The following SLC8A1 variants were observed in gnomAD, a reference collection of about 807,000 sequenced individuals.
SLC8A1 encodes sodium/calcium exchanger 1.
In SLC8A1, 18 loss-of-function variants were observed where a neutral mutation model predicts 68.3. The ratio of observed to expected loss-of-function variants is 0.26; its 90% CI spans 0.18 to 0.39. The LOEUF (loss-of-function observed/expected upper bound fraction) is 0.39. Ranked by LOEUF, SLC8A1 falls within the 10% of genes least tolerant of loss-of-function variation. SLC8A1 has a pLI of 1.00. For synonymous variants in SLC8A1, 475 were observed against 415.5 expected (o/e 1.14, Z -1.74); for missense variants, 985 against 1,156.7 (o/e 0.85, Z 2.15).
chr2:40,122,605 T>C (rs572780355), intron 7 of SLC8A1, among the ~76,000 whole-genome samples: 102 of 152,124 alleles, frequency 6.7e-4, no homozygotes, highest in Non-Finnish European at 1.1e-3. Context: ...CCACCTTGAG[T>C]TTCTGCTTAA....
chr2:40,424,129 T>C (rs1228284390), intron 2 of SLC8A1, among the ~76,000 whole-genome samples: 1 of 151,976 alleles, frequency 6.6e-6, no homozygotes, highest in East Asian at 1.9e-4. Flanking sequence ...TTAAATTGTG[T>C]GCAGAAATTA....
intron 2 of SLC8A1, among the ~76,000 whole-genome samples, chr2:40,306,350 G>C (rs1027967569): frequency 1.2e-4 from 19 of 152,042 alleles, no homozygotes; most frequent in Non-Finnish European, 1.5e-5. Flanking sequence ...TTAATATAGA[G>C]GCAGGAATTG....
chr2:40,271,228 GTCCCCTCCCACTCCTCTCCCACC>G lies in SLC8A1; in HGVS notation c.1809-93396_1809-93374del, dbSNP rs1264561979. 4.7e-5 allele frequency among the ~76,000 whole-genome samples: 7 copies of G among 150,012 alleles called. No individual in the cohort carries two copies. In the East Asian group the frequency reaches 7.9e-4, roughly 17 times the overall value. The stretch of plus-strand genomic sequence containing the variant: ...ATCTGGCTCACTACTCCTCTCTCAC[GTCCCCTCCCACTCCTCTCCCACC>G]TCCCCTCCCACTCCTCTCCCAGGTG... On this transcript the variant is annotated intron_variant, in intron 2 of 7. Transcript: ENST00000406785.
chr2:40,364,020 T>G (rs113097563), intron 2 of SLC8A1, among the ~76,000 whole-genome samples: 3,664 of 152,194 alleles, frequency 0.024, 54 homozygotes, highest in Non-Finnish European at 0.036. Flanking sequence ...TGGATGTTTT[T>G]TCACCATGTT....
At chr2:40,163,261 T>C (rs987610171) in intron 5 of SLC8A1, among the ~76,000 whole-genome samples, 1 of 152,180 alleles carries the variant, frequency 6.6e-6, no homozygotes, top group African/African-American at 2.4e-5. Flanking sequence ...CTTAACTTAA[T>C]GCTTCTTATG....
At chr2:40,221,415 A>G (rs1318605703) in intron 2 of SLC8A1, among the ~76,000 whole-genome samples, 1 of 152,198 alleles carries the variant, frequency 6.6e-6, no homozygotes, top group Non-Finnish European at 1.5e-5. Flanking sequence ...ACAAACCCAC[A>G]GCCACTATCA....
chr2:40,284,090 C>T (rs1268554447), intron 2 of SLC8A1, among the ~76,000 whole-genome samples: 1 of 151,996 alleles, frequency 6.6e-6, no homozygotes, highest in Non-Finnish European at 1.5e-5. Context: ...AAACCTATTT[C>T]TTATCTGTAT....
intron 2 of SLC8A1, among the ~76,000 whole-genome samples, chr2:40,263,190 C>A (rs1362587202): frequency 6.6e-6 from 1 of 152,174 alleles, no homozygotes; most frequent in African/African-American, 2.4e-5. Context: ...AAGAGGAAGT[C>A]ACTTAACCTT....
chr2:40,406,597 G>A (rs1283256488), intron 2 of SLC8A1, among the ~76,000 whole-genome samples: 2 of 152,154 alleles, frequency 1.3e-5, no homozygotes, highest in Non-Finnish European at 2.9e-5. Context: ...TAAGCTAGAA[G>A]AGGGGAATAT....
chr2:40,275,873 C>T (rs13008638), intron 2 of SLC8A1, among the ~76,000 whole-genome samples: 56,265 of 151,956 alleles, frequency 0.37, 11,251 homozygotes, highest in East Asian at 0.7. Flanking sequence ...TGGTGGTTTC[C>T]TATTCCAGGC....
At chr2:40,441,184 T>C (rs6749800) in intron 1 of SLC8A1, among the ~76,000 whole-genome samples, 91,580 of 151,914 alleles carry the variant, frequency 0.6, 31,060 homozygotes, top group East Asian at 0.94. Context: ...ACAATTGCTA[T>C]AAAAAGAATA....
chr2:40,370,367 C>T (rs541078482), intron 2 of SLC8A1, among the ~76,000 whole-genome samples: 72 of 152,198 alleles, frequency 4.7e-4, no homozygotes, highest in Non-Finnish European at 7.6e-4. Context: ...ACACCACCTT[C>T]TCCCCAACTT....
intron 1 of SLC8A1, among the ~76,000 whole-genome samples, chr2:40,435,742 C>A (rs1414501206): frequency 6.6e-6 from 1 of 152,102 alleles, no homozygotes; most frequent in South Asian, 2.1e-4. Context: ...TGGCCCTTTC[C>A]CCTACTTTAT....
At chr2:40,369,807 A>G (rs1461019048) in intron 2 of SLC8A1, among the ~76,000 whole-genome samples, 1 of 152,110 alleles carries the variant, frequency 6.6e-6, no homozygotes, top group Non-Finnish European at 1.5e-5. Context: ...CCTGACAGCC[A>G]ATTCTGAGAG....
chr2:40,256,833 T>G (rs948319396), intron 2 of SLC8A1, among the ~76,000 whole-genome samples: 3 of 152,034 alleles, frequency 2.0e-5, no homozygotes, highest in Non-Finnish European at 4.4e-5. Context: ...CTGAGTGCAA[T>G]CCCTCTATTC....
chr2:40,184,568 C>G (rs1050227414), intron 2 of SLC8A1, among the ~76,000 whole-genome samples: 1 of 152,270 alleles, frequency 6.6e-6, no homozygotes, highest in South Asian at 2.1e-4. Context: ...GATGGGAGCT[C>G]TGGCGATACG....
At chr2:40,327,047 C>A (rs1363216519) in intron 2 of SLC8A1, among the ~76,000 whole-genome samples, 1 of 152,088 alleles carries the variant, frequency 6.6e-6, no homozygotes, top group Admixed American at 6.6e-5. Context: ...ATACAATATA[C>A]CTATTTTAAA....
At chr2:40,098,497 T>C (rs1404053584) in exon 8 of SLC8A1, 1 of 152,040 alleles carries the variant, frequency 6.6e-6, no homozygotes, top group Non-Finnish European at 1.5e-5. Flanking sequence ...GGGAAAATTA[T>C]ATGGCAATTT....
chr2:40,181,653 T>TGGATGA (rs2049588057), intron 2 of SLC8A1, among the ~76,000 whole-genome samples: 1 of 152,224 alleles, frequency 6.6e-6, no homozygotes, highest in African/African-American at 2.4e-5. Flanking sequence ...TTTCAGTGGA[T>TGGATGA]CTAAAGTGGC....
Sources: gnomAD v4.1 joint callset for allele counts (sites outside exome capture counted in the v4.1 genomes callset) on GRCh38, gnomAD v4.1.1 for gene constraint, MANE v1.5 for transcripts, NCBI Gene and HGNC (gene_info 2026-07-23, HGNC 2026-07-21) for gene names.